PCDHA8: variants seen among roughly 807,000 people sequenced by gnomAD.
The protein encoded by PCDHA8 is protocadherin alpha 8, also known as protocadherin alpha-8.
PCDHA8 carries 53 observed loss-of-function variants against 61.8 expected under a neutral mutation model. The ratio of observed to expected loss-of-function variants is 0.86; its 90% CI spans 0.69 to 1.08. PCDHA8 has a LOEUF of 1.08. Among genes scored for constraint, PCDHA8 ranks in the 50% least tolerant of loss-of-function variants. PCDHA8 has a pLI of 0.00. For missense variants in PCDHA8, 1,293 were observed against 1,245.0 expected (o/e 1.04, Z -0.58); for synonymous variants, 618 against 556.6 (o/e 1.11, Z -1.55).
chr5:140,982,678 C>T (rs781968397), intron 3 of PCDHA8, 115 bp downstream of exon 3: 29 of 1,438,778 alleles, frequency 2.0e-5, no homozygotes, highest in Non-Finnish European at 2.6e-5. Context: ...TTTGTTATTC[C>T]CTTTTTTCCA....
intron 1 of PCDHA8, chr5:140,877,100 C>A (rs782669477): frequency 2.5e-6 from 4 of 1,613,344 alleles, no homozygotes; most frequent in African/African-American, 1.3e-5. Context: ...GCCGGCGTGC[C>A]GCCTCTGGGC....
At chr5:140,862,599 G>A (rs2047441695) in intron 1 of PCDHA8, 1 of 513,082 alleles carries the variant, frequency 1.9e-6, no homozygotes, top group East Asian at 5.2e-5. Context: ...AGTACATGGT[G>A]TTCGTGAAAG....
At chr5:140,898,450 C>G (rs1276825221) in intron 1 of PCDHA8, among the ~76,000 whole-genome samples, 4 of 152,148 alleles carry the variant, frequency 2.6e-5, no homozygotes, top group Non-Finnish European at 4.4e-5. Flanking sequence ...ATAGGGAATC[C>G]TTTCCCCATT....
chr5:140,920,640 T>C (rs1554199754), intron 1 of PCDHA8, among the ~76,000 whole-genome samples: 1 of 152,038 alleles, frequency 6.6e-6, no homozygotes, highest in African/African-American at 2.4e-5. Context: ...GGTCAAGAGA[T>C]TGAGACCATC....
intron 1 of PCDHA8, among the ~76,000 whole-genome samples, chr5:140,906,364 C>T (rs2072599872): frequency 6.6e-6 from 1 of 152,184 alleles, no homozygotes; most frequent in African/African-American, 2.4e-5. Context: ...ATTCCCAACC[C>T]AAATGCTATT....
intron 1 of PCDHA8, among the ~76,000 whole-genome samples, chr5:140,891,204 C>T (rs2153433269): frequency 6.6e-6 from 1 of 152,078 alleles, no homozygotes; most frequent in South Asian, 2.1e-4. Flanking sequence ...GCAGTTTTAC[C>T]ATGCTGTGTC....
intron 3 of PCDHA8, among the ~76,000 whole-genome samples, chr5:140,985,683 G>T (rs926848363): frequency 3.3e-5 from 5 of 151,148 alleles, no homozygotes; most frequent in Admixed American, 6.6e-5. Flanking sequence ...CCTGCCTTAC[G>T]CTAATCCTCG....
chr5:140,909,837 A>G (rs1385622846), intron 1 of PCDHA8, among the ~76,000 whole-genome samples: 3 of 152,190 alleles, frequency 2.0e-5, no homozygotes, highest in Non-Finnish European at 4.4e-5. Context: ...CTGGAGGACC[A>G]CCAGGACGTT....
At chr5:140,937,009 C>A (rs1409113092) in intron 1 of PCDHA8, among the ~76,000 whole-genome samples, 11 of 151,930 alleles carry the variant, frequency 7.2e-5, no homozygotes, top group African/African-American at 1.9e-4. Context: ...AGACAGACAA[C>A]CGATTAACAA....
At chr5:140,952,807 C>T (rs1390694306) in intron 1 of PCDHA8, among the ~76,000 whole-genome samples, 2 of 152,158 alleles carry the variant, frequency 1.3e-5, no homozygotes, top group Admixed American at 6.5e-5. Context: ...CGCAGTTCTG[C>T]AGGCTGTACA....
chr5:140,965,173 G>A (rs1257436786), intron 1 of PCDHA8, among the ~76,000 whole-genome samples: 1 of 152,218 alleles, frequency 6.6e-6, no homozygotes, highest in African/African-American at 2.4e-5. Flanking sequence ...TTTAGTGAGT[G>A]CTTTTTTTGC....
intron 1 of PCDHA8, among the ~76,000 whole-genome samples, chr5:140,846,568 G>A (rs1403872525): frequency 6.7e-6 from 1 of 148,182 alleles, no homozygotes; most frequent in Non-Finnish European, 1.5e-5. Context: ...TAGAGTCGGG[G>A]TTTCACCATG....
rs1554168160 is a variant in PCDHA8 at position 140,875,992 on chromosome 5, CT to C, written c.2394+32278del. 5 of 1,613,752 alleles carry C rather than the reference CT, an allele frequency of 3.1e-6. No homozygotes were observed. In the Admixed American group the frequency reaches 8.3e-5, roughly 27 times the overall value. On this transcript the variant is annotated intron_variant, in intron 1 of 3. Transcript: ENST00000531613. ...CTCTCTTTTGACCTATGCGTTAAGT[CT>C]AAATGAGAATTTTGAGCTTAAAATA...
At chr5:140,877,417 G>T (rs782190793) in intron 1 of PCDHA8, 5 of 1,613,822 alleles carry the variant, frequency 3.1e-6, no homozygotes, top group Admixed American at 1.7e-5. Context: ...CCGCCTGCTG[G>T]TGCTGGTGAA....
chr5:140,991,172 G>T (rs2097436221), intron 3 of PCDHA8, among the ~76,000 whole-genome samples: 1 of 152,160 alleles, frequency 6.6e-6, no homozygotes, highest in Non-Finnish European at 1.5e-5. Flanking sequence ...CCATTGTCAA[G>T]CAGGATGCCT....
chr5:140,850,575 G>A, intron 1 of PCDHA8: 1 of 1,598,458 alleles, frequency 6.3e-7, no homozygotes, highest in Non-Finnish European at 8.6e-7. Flanking sequence ...GGTGACGCTG[G>A]TGGATGTCAA....
At position 140,849,758 on chromosome 5, in the gene PCDHA8, C is replaced by G. The variant is rs150560525; in HGVS notation, c.2394+6043C>G. ...TGGACCGCGAGAGTGTGTCCGCCTA[C>G]GAGCTGGTGGTTACCGCGCGGGACG... On this transcript the variant is annotated intron_variant, in intron 1 of 3. Transcript: ENST00000531613. 7 of 1,598,378 alleles carry G rather than the reference C, an allele frequency of 4.4e-6. No homozygotes were observed. In the African/African-American group the frequency reaches 5.4e-5, roughly 12 times the overall value.
rs782282264 is a variant in PCDHA8, at chr5:141,009,955, A to C, written c.*18A>C. The C allele has an allele frequency of 6.3e-7, 1 of 1,592,536 alleles. No homozygotes were observed. The highest frequency in any genetic ancestry group is 2.2e-5 in the East Asian group (1 of 44,734). ...ACCAGTGAGGTCCTCAAATGGAAAC[A>C]AGCCACTTAGCCAGTTTTTGTAATA... is the stretch of plus-strand genomic sequence containing the variant. On this transcript the variant is annotated 3_prime_UTR_variant, in exon 4 of 4. Coordinates refer to ENST00000531613, the MANE Select transcript of PCDHA8 (RefSeq NM_018911.3).
chr5:140,913,106 T>C (rs1308946519), intron 1 of PCDHA8, among the ~76,000 whole-genome samples: 1 of 152,194 alleles, frequency 6.6e-6, no homozygotes, highest in Admixed American at 6.6e-5. Flanking sequence ...CCTCATAGAA[T>C]CAGTTTGGAA....
Sources: allele counts gnomAD v4.1 joint callset (sites outside exome capture counted in the v4.1 genomes callset), GRCh38; gene constraint gnomAD v4.1.1; transcripts MANE v1.5; gene names NCBI Gene and HGNC (gene_info 2026-07-23, HGNC 2026-07-21).